The following NKAIN3 variants were observed in gnomAD, a reference collection of about 807,000 sequenced individuals.
NKAIN3 encodes sodium/potassium transporting ATPase interacting 3, also known as sodium/potassium-transporting ATPase subunit beta-1-interacting protein 3.
In NKAIN3, 25 loss-of-function variants were observed where a neutral mutation model predicts 30.2. The observed-to-expected ratio is 0.83, with a 90% confidence interval of 0.60 to 1.16. NKAIN3 has a LOEUF of 1.16. Among genes scored for constraint, NKAIN3 ranks in the 50% most tolerant of loss-of-function variants. The pLI is 0.00. For synonymous variants in NKAIN3, 91 were observed against 89.6 expected (o/e 1.02, Z -0.09); for missense variants, 225 against 254.1 (o/e 0.89, Z 0.78).
chr8:62,356,458 C>G (rs1482185165), intron 1 of NKAIN3, among the ~76,000 whole-genome samples: 1 of 152,158 alleles, frequency 6.6e-6, no homozygotes, highest in Non-Finnish European at 1.5e-5. Flanking sequence ...CATTCTCTAT[C>G]TTGATTGTTG....
intron 5 of NKAIN3, among the ~76,000 whole-genome samples, chr8:62,919,568 T>G (rs1373358248): frequency 6.6e-6 from 1 of 152,184 alleles, no homozygotes; most frequent in Non-Finnish European, 1.5e-5. Flanking sequence ...TTAATTTACT[T>G]TCAAAATTTT....
intron 4 of NKAIN3, among the ~76,000 whole-genome samples, chr8:62,777,376 ATTC>A (rs1817224266): frequency 6.6e-6 from 1 of 151,834 alleles, no homozygotes; most frequent in East Asian, 1.9e-4. Context: ...GATGTGCTTC[ATTC>A]TTTTTTATTT....
intron 4 of NKAIN3, chr8:62,862,942 G>C (rs1820298182): frequency 2.4e-6 from 1 of 411,714 alleles, no homozygotes; most frequent in Non-Finnish European, 4.5e-6. Context: ...ACAGTTTTCA[G>C]TGTTTTAAGT....
chr8:62,550,407 G>A (rs533370725), intron 1 of NKAIN3, among the ~76,000 whole-genome samples: 11 of 152,292 alleles, frequency 7.2e-5, no homozygotes, highest in East Asian at 3.9e-4. Context: ...GATTGTGCGC[G>A]TGTGCGCGTG....
At chr8:62,673,282 A>C (rs990387480) in intron 3 of NKAIN3, among the ~76,000 whole-genome samples, 3 of 152,240 alleles carry the variant, frequency 2.0e-5, no homozygotes, top group Non-Finnish European at 4.4e-5. Flanking sequence ...TCATTATTTC[A>C]AATTTAATTG....
At chr8:62,788,247 G>A (rs1190214764) in intron 4 of NKAIN3, among the ~76,000 whole-genome samples, 1 of 152,134 alleles carries the variant, frequency 6.6e-6, no homozygotes, top group Non-Finnish European at 1.5e-5. Context: ...GTGTGAGATG[G>A]TATCTCATTA....
intron 3 of NKAIN3, among the ~76,000 whole-genome samples, chr8:62,720,033 AG>A (rs1815039853): frequency 6.6e-6 from 1 of 152,188 alleles, no homozygotes; most frequent in South Asian, 2.1e-4. Flanking sequence ...CTGGAATTAC[AG>A]GCGTGAGCCA....
chr8:62,921,920 C>G (rs1053642900), intron 5 of NKAIN3, among the ~76,000 whole-genome samples: 1 of 152,132 alleles, frequency 6.6e-6, no homozygotes, highest in Non-Finnish European at 1.5e-5. Flanking sequence ...TTACTTGTAT[C>G]AATACTGCCA....
At chr8:62,289,642 G>A (rs1278824503) in intron 1 of NKAIN3, among the ~76,000 whole-genome samples, 4 of 152,132 alleles carry the variant, frequency 2.6e-5, no homozygotes, top group African/African-American at 9.7e-5. Context: ...TTTGGTTACT[G>A]TAGGCTTGTA....
At chr8:62,549,438 T>C (rs1482202040) in intron 1 of NKAIN3, among the ~76,000 whole-genome samples, 3 of 152,134 alleles carry the variant, frequency 2.0e-5, no homozygotes, top group Non-Finnish European at 4.4e-5. Context: ...CAATAAGAAG[T>C]ATGGCCTTTC....
chr8:62,678,663 T>C lies in NKAIN3; in HGVS notation c.274-68269T>C, dbSNP rs543228333. Among the ~76,000 whole-genome samples the C allele has an allele frequency of 7.3e-5, 11 of 150,628 alleles. No individual in the cohort carries two copies. The South Asian group carries it at 2.3e-3, about 31-fold the overall frequency. On this transcript the variant is annotated intron_variant, in intron 3 of 6. Transcript: ENST00000623646. ...TTGATAATATAACATCATTATATTA[T>C]ATCATTACATTGATAATATATCATA...
At chr8:62,683,729 C>G (rs79211203) in intron 3 of NKAIN3, among the ~76,000 whole-genome samples, 5,045 of 152,172 alleles carry the variant, frequency 0.033, 112 homozygotes, top group Middle Eastern at 0.071. Flanking sequence ...CTCCTTCTGC[C>G]CCACCCTGAG....
At position 62,466,459 on chromosome 8, in the gene NKAIN3, A is replaced by C. The variant is rs868302414; in HGVS notation, c.55-113080A>C. ...AACTGAACTGAGAAAGGTCCAAAAT[A>C]AATGTCTGTGCAAATGAGCCATATG... On this transcript the variant is annotated intron_variant, in intron 1 of 6. Coordinates refer to ENST00000623646, the MANE Select transcript of NKAIN3 (RefSeq NM_001304533.3). 2.0e-4 allele frequency among the ~76,000 whole-genome samples: 31 copies of C among 152,274 alleles called. No individual in the cohort carries two copies. In the Middle Eastern group the frequency reaches 0.017, roughly 84 times the overall value.
At chr8:62,874,367 A>G (rs1453242739) in intron 4 of NKAIN3, among the ~76,000 whole-genome samples, 1 of 152,206 alleles carries the variant, frequency 6.6e-6, no homozygotes, top group African/African-American at 2.4e-5. Flanking sequence ...AAACCCCAGG[A>G]CCAGATGGAT....
intron 4 of NKAIN3, chr8:62,856,403 C>A: frequency 1.2e-6 from 1 of 801,974 alleles, no homozygotes; most frequent in Non-Finnish European, 2.3e-6. Flanking sequence ...TCAAAGTGAA[C>A]CCTGAGGTCC....
Position 62,514,233 on chromosome 8 carries a change from A to T in NKAIN3, c.55-65306A>T, listed in dbSNP as rs80208045. ...ACTCATGCTCAGCATCAGAGTATGCACTCAGACATTCTAGATGTGAGCTAT... is the reference window on the plus strand; with the variant it reads ...ACTCATGCTCAGCATCAGAGTATGCTCTCAGACATTCTAGATGTGAGCTAT... On this transcript the variant is annotated intron_variant, in intron 1 of 6. Coordinates refer to ENST00000623646, the MANE Select transcript of NKAIN3 (RefSeq NM_001304533.3). Among the ~76,000 whole-genome samples the T allele has an allele frequency of 8.6e-3, 1,309 of 152,214 alleles. 15 individuals carry two copies. Among genetic ancestry groups the T allele is most frequent in the African/African-American group, 0.029 (1,200 of 41,542 alleles).
chr8:62,639,981 C>A (rs1007707911), intron 3 of NKAIN3, among the ~76,000 whole-genome samples: 1 of 152,068 alleles, frequency 6.6e-6, no homozygotes, highest in African/African-American at 2.4e-5. Context: ...TCCATTCAAA[C>A]TTTGTAGTCA....
chr8:62,849,320 G>A (rs1310185236), intron 4 of NKAIN3, among the ~76,000 whole-genome samples: 2 of 138,464 alleles, frequency 1.4e-5, no homozygotes, highest in Non-Finnish European at 3.1e-5. Flanking sequence ...TTTTTGGTTG[G>A]TAGGTTATTT....
intron 1 of NKAIN3, among the ~76,000 whole-genome samples, chr8:62,430,368 T>TGTGTGTGTGTGTGC (rs1804955899): frequency 2.9e-5 from 1 of 34,706 alleles, no homozygotes; most frequent in African/African-American, 2.1e-4. Context: ...TATATTGTGG[T>TGTGTGTGTGTGTGC]GTGTGTGTGT....
Sources: gnomAD v4.1 joint callset for allele counts (sites outside exome capture counted in the v4.1 genomes callset) on GRCh38, gnomAD v4.1.1 for gene constraint, MANE v1.5 for transcripts, NCBI Gene and HGNC (gene_info 2026-07-23, HGNC 2026-07-21) for gene names.